The following CLEC16A variants were observed in gnomAD, a reference collection of about 807,000 sequenced individuals.
CLEC16A encodes protein CLEC16A.
A neutral mutation model predicts 109.5 loss-of-function variants in CLEC16A; 51 were observed. That is an observed-to-expected ratio of 0.47 (90% CI 0.37 to 0.59). The LOEUF (loss-of-function observed/expected upper bound fraction) is 0.59. Among genes scored for constraint, CLEC16A ranks in the 20% least tolerant of loss-of-function variants. CLEC16A has a pLI of 0.00. For missense variants in CLEC16A, 1,339 were observed against 1,394.0 expected (o/e 0.96, Z 0.63); for synonymous variants, 673 against 564.2 (o/e 1.19, Z -2.73).
Position 10,957,872 on chromosome 16 carries a change from C to A in CLEC16A, c.171C>A (p.Ile57=), listed in dbSNP as rs529482898. The change falls in exon 2 of 24, where the codon ATC becomes ATA. Residue 57 remains isoleucine, a synonymous_variant. Transcript: ENST00000409790. ...AGACCATCCGTTCCATCACTGAGAT[C>A]CTGATCTGGGGAGATCAAAATGACA... is the stretch of plus-strand genomic sequence containing the variant. The part of the protein sequence containing the change: ...LVETIRSITE[I]LIWGDQNDSS... 11 of 1,613,778 alleles carry A rather than the reference C, an allele frequency of 6.8e-6. No homozygotes were observed. The South Asian group carries it at 1.1e-4, about 16-fold the overall frequency.
At chr16:10,996,835 TC>T (rs887499528) in intron 10 of CLEC16A, among the ~76,000 whole-genome samples, 17 of 151,952 alleles carry the variant, frequency 1.1e-4, no homozygotes, top group African/African-American at 3.9e-4. Flanking sequence ...CTTACCTGAG[TC>T]CCCCTCATTT....
At chr16:11,149,139 G>C (rs959215797) in intron 22 of CLEC16A, among the ~76,000 whole-genome samples, 2 of 152,238 alleles carry the variant, frequency 1.3e-5, no homozygotes, top group Non-Finnish European at 2.9e-5. Context: ...AGGCTTCACA[G>C]CCAGGGAGGT....
intron 22 of CLEC16A, among the ~76,000 whole-genome samples, chr16:11,142,563 AC>A (rs1261434725): frequency 4.6e-5 from 7 of 152,112 alleles, no homozygotes; most frequent in African/African-American, 1.7e-4. Flanking sequence ...ATAATAAGGC[AC>A]TGACCTGCAG....
At chr16:11,142,673 G>A (rs2053890771) in intron 22 of CLEC16A, among the ~76,000 whole-genome samples, 1 of 152,186 alleles carries the variant, frequency 6.6e-6, no homozygotes, top group South Asian at 2.1e-4. Flanking sequence ...GAAGGTTCTG[G>A]GTCTGGCCAA....
chr16:11,026,452 GT>G (rs2046406593), intron 13 of CLEC16A, among the ~76,000 whole-genome samples: 2 of 151,998 alleles, frequency 1.3e-5, no homozygotes, highest in South Asian at 4.1e-4. Flanking sequence ...TAAACTTTAT[GT>G]TTTTCCTTTA....
chr16:11,085,825 T>C (rs759727128), intron 19 of CLEC16A, among the ~76,000 whole-genome samples: 1 of 152,144 alleles, frequency 6.6e-6, no homozygotes, highest in Non-Finnish European at 1.5e-5. Context: ...CCCCTGGGCT[T>C]AAGTGACCCT....
chr16:10,986,176 G>A (rs541308851), intron 10 of CLEC16A, among the ~76,000 whole-genome samples: 8 of 151,490 alleles, frequency 5.3e-5, no homozygotes, highest in Admixed American at 2.0e-4. Flanking sequence ...GACTACAGGC[G>A]CCTGCCCCCA....
chr16:11,106,834 C>T (rs1567326314), intron 19 of CLEC16A, among the ~76,000 whole-genome samples: 2 of 152,190 alleles, frequency 1.3e-5, no homozygotes, highest in South Asian at 2.1e-4. Flanking sequence ...ACAACTGAAG[C>T]AAAGTCACAT....
At position 11,178,743 on chromosome 16, in the gene CLEC16A, G is replaced by C. The variant is rs756324255; in HGVS notation, c.*53G>C. The C allele has an allele frequency of 1.1e-5, 15 of 1,353,996 alleles. No homozygotes were observed. The highest frequency in any genetic ancestry group is 1.5e-5 in the Non-Finnish European group (15 of 1,024,616). 83.9% of individuals were successfully genotyped at this position (1,353,996 alleles called of 1,614,324 possible). A position where few individuals can be genotyped will look rare whatever the true frequency, so the allele number is the denominator to read the frequency against. ...TGTGGCCCCGCTGGTAGGGACCCCAGTGCCGCTGACTGGCAAGACACACTG... is the reference window on the plus strand; with the variant it reads ...TGTGGCCCCGCTGGTAGGGACCCCACTGCCGCTGACTGGCAAGACACACTG... On this transcript the variant is annotated 3_prime_UTR_variant, in exon 24 of 24. Transcript: ENST00000409790. The surrounding 1 kb of genome is among the most constrained non-coding windows in gnomAD (Gnocchi z 6.5).
chr16:11,002,175 G>T (rs1351107678), intron 10 of CLEC16A, among the ~76,000 whole-genome samples: 1 of 152,174 alleles, frequency 6.6e-6, no homozygotes, highest in South Asian at 2.1e-4. Flanking sequence ...TTCTTCACCT[G>T]TAAAATGAGG....
At chr16:11,114,634 G>T (rs913307639) in intron 19 of CLEC16A, among the ~76,000 whole-genome samples, 2 of 152,136 alleles carry the variant, frequency 1.3e-5, no homozygotes, top group Non-Finnish European at 2.9e-5. Flanking sequence ...TTCTCTCCTG[G>T]ATTTCTCCTC....
intron 10 of CLEC16A, among the ~76,000 whole-genome samples, chr16:10,985,376 C>T (rs1284204053): frequency 6.6e-6 from 1 of 151,700 alleles, no homozygotes; most frequent in Non-Finnish European, 1.5e-5. Context: ...GGAATCTTCT[C>T]CAACAGTCAG....
chr16:10,988,766 A>G (rs976978628), intron 10 of CLEC16A, among the ~76,000 whole-genome samples: 3 of 152,104 alleles, frequency 2.0e-5, no homozygotes, highest in African/African-American at 7.2e-5. Flanking sequence ...CCCGGGCCTC[A>G]GTTTCTTACC....
At chr16:11,108,287 C>T (rs1406942440) in intron 19 of CLEC16A, among the ~76,000 whole-genome samples, 1 of 152,256 alleles carries the variant, frequency 6.6e-6, no homozygotes, top group African/African-American at 2.4e-5. Context: ...AGAAGAGAGA[C>T]AGCATTTCCT....
In CLEC16A at chr16:11,027,738, A is replaced by C. The variant is rs2046496073; in HGVS notation, c.1537+2817A>C. 3 of 1,557,478 alleles carry C rather than the reference A, an allele frequency of 1.9e-6. No individual in the cohort carries two copies. The African/African-American group carries it at 4.0e-5, about 21-fold the overall frequency. The stretch of plus-strand genomic sequence containing the variant: ...ACTTGGCTATCGGGGTGAACGCATC[A>C]ATCAGCTCATCCGCCAGCTGAACTA... On this transcript the variant is annotated intron_variant, in intron 13 of 23. Transcript: ENST00000409790.
At chr16:11,047,107 T>C (rs1280230649) in intron 16 of CLEC16A, among the ~76,000 whole-genome samples, 185 bp from the exon 17 acceptor site, 1 of 152,190 alleles carries the variant, frequency 6.6e-6, no homozygotes, top group Non-Finnish European at 1.5e-5. Context: ...CAATTTGATA[T>C]TTGGTCTGTC....
chr16:11,012,400 C>A (rs1262270171), intron 11 of CLEC16A, among the ~76,000 whole-genome samples: 1 of 151,918 alleles, frequency 6.6e-6, no homozygotes, highest in Non-Finnish European at 1.5e-5. Flanking sequence ...TCGAGACGAT[C>A]CTGGCTAATA....
intron 19 of CLEC16A, 53 bp from the exon 20 acceptor site, chr16:11,120,562 C>T (rs1298730465): frequency 6.5e-7 from 1 of 1,542,906 alleles, no homozygotes; most frequent in African/African-American, 1.4e-5. Flanking sequence ...GTGTCTCCAT[C>T]ACCCTGGGCA....
At chr16:10,962,114 T>TC (rs2042277211) in intron 2 of CLEC16A, among the ~76,000 whole-genome samples, 1 of 150,254 alleles carries the variant, frequency 6.7e-6, no homozygotes, top group African/African-American at 2.4e-5. Context: ...CACCGCCTAA[T>TC]TTTTTTTTTC....
Sources: allele counts gnomAD v4.1 joint callset (sites outside exome capture counted in the v4.1 genomes callset), GRCh38; gene constraint gnomAD v4.1.1; non-coding constraint Gnocchi (gnomAD v3.1); transcripts MANE v1.5; gene names NCBI Gene and HGNC (gene_info 2026-07-23, HGNC 2026-07-21).